The following FAM3C variants were observed in gnomAD, a reference collection of about 807,000 sequenced individuals.
The protein encoded by FAM3C is FAM3 metabolism regulating signaling molecule C, also known as protein FAM3C.
A neutral mutation model predicts 32.5 loss-of-function variants in FAM3C; 15 were observed. That is an observed-to-expected ratio of 0.46 (90% CI 0.31 to 0.71). The LOEUF (loss-of-function observed/expected upper bound fraction) is 0.71. Ranked by LOEUF, FAM3C falls within the 30% of genes least tolerant of loss-of-function variation. The probability of loss-of-function intolerance (pLI) is 0.05; values close to 1 mark genes in which losing one functional copy is unlikely to be tolerated. For synonymous variants in FAM3C, 75 were observed against 86.1 expected, an observed-to-expected ratio of 0.87 and a Z score of 0.72; for missense variants, 175 against 274.4, an observed-to-expected ratio of 0.64 and a Z score of 2.56.
rs1195992868 is a variant in FAM3C, at chr7:121,368,950, T to C, written c.272+2350A>G. Among the ~76,000 whole-genome samples the C allele has an allele frequency of 2.0e-5, 3 of 150,220 alleles. 1 individual carries two copies. The highest frequency in any genetic ancestry group is 7.4e-5 in the African/African-American group (3 of 40,578). Reference sequence around the variant, plus strand: ...CAGGGCTGGTATCACAATTTGTTTGTTCATTTTTTGTTGTTGTTGTTGTTT... The same window carrying C: ...CAGGGCTGGTATCACAATTTGTTTGCTCATTTTTTGTTGTTGTTGTTGTTT... On this transcript the variant is annotated intron_variant, in intron 5 of 9. Transcript: ENST00000359943.
chr7:121,365,057 A>T (rs1364967235), intron 5 of FAM3C, among the ~76,000 whole-genome samples: 1 of 152,156 alleles, frequency 6.6e-6, no homozygotes, highest in Non-Finnish European at 1.5e-5. Flanking sequence ...TATAGACAGA[A>T]TTATATATAC....
At chr7:121,351,571 C>T (rs1295099915) in intron 8 of FAM3C, 6 of 256,394 alleles carry the variant, frequency 2.3e-5, no homozygotes, top group Non-Finnish European at 4.5e-5. Context: ...ATAAGGGATA[C>T]CACAGTTAGT....
intron 8 of FAM3C, among the ~76,000 whole-genome samples, chr7:121,354,997 T>C (rs1388738582): frequency 6.6e-6 from 1 of 152,182 alleles, no homozygotes; most frequent in Non-Finnish European, 1.5e-5. Flanking sequence ...AAATTTTTAA[T>C]ACTACTAACC....
At position 121,366,469 on chromosome 7, in the gene FAM3C, C is replaced by T. The variant is rs546940758; in HGVS notation, c.273-2281G>A. Among the ~76,000 whole-genome samples the T allele has an allele frequency of 3.3e-5, 5 of 152,072 alleles. No individual in the cohort carries two copies. In the South Asian group the frequency reaches 1.0e-3, roughly 32 times the overall value. On this transcript the variant is annotated intron_variant, in intron 5 of 9. Coordinates refer to ENST00000359943, the MANE Select transcript of FAM3C (RefSeq NM_014888.3). ...ATTATATACCACTTATATGAACTGT[C>T]CAAAATAGGCAAATCTATAAAGACA...
At chr7:121,357,354 G>A (rs1793835092) in intron 8 of FAM3C, among the ~76,000 whole-genome samples, 1 of 152,216 alleles carries the variant, frequency 6.6e-6, no homozygotes, top group African/African-American at 2.4e-5. Flanking sequence ...GGAAGAAAAC[G>A]AGGTAAAATT....
chr7:121,360,818 C>T (rs1392504755), intron 7 of FAM3C, among the ~76,000 whole-genome samples: 2 of 151,918 alleles, frequency 1.3e-5, no homozygotes, highest in African/African-American at 4.8e-5. Flanking sequence ...CTGGTTGACA[C>T]AGCAAGACCC....
chr7:121,379,042 C>G, intron 2 of FAM3C, 28 bp from the exon 3 acceptor site: 1 of 1,219,292 alleles, frequency 8.2e-7, no homozygotes, highest in Non-Finnish European at 1.2e-6. Flanking sequence ...TTCAGCATAA[C>G]TTTGTAAGCC....
chr7:121,369,722 T>G (rs966596642), intron 5 of FAM3C, among the ~76,000 whole-genome samples: 1 of 152,096 alleles, frequency 6.6e-6, no homozygotes, highest in African/African-American at 2.4e-5. Context: ...TCTAAGACAG[T>G]GATGTGTACT....
intron 3 of FAM3C, among the ~76,000 whole-genome samples, chr7:121,377,134 A>G (rs1238600003): frequency 6.6e-6 from 1 of 152,064 alleles, no homozygotes; most frequent in East Asian, 1.9e-4. Context: ...AGTTCTCACA[A>G]GATCTGATGG....
chr7:121,388,855 GC>G (rs1794519133), intron 1 of FAM3C, among the ~76,000 whole-genome samples: 1 of 152,104 alleles, frequency 6.6e-6, no homozygotes, highest in African/African-American at 2.4e-5. Context: ...GTTAACCAAT[GC>G]CAGATATGAA....
At chr7:121,365,632 CAAAT>C (rs143945360) in intron 5 of FAM3C, among the ~76,000 whole-genome samples, 158 of 151,944 alleles carry the variant, frequency 1.0e-3, no homozygotes, top group African/African-American at 3.7e-3. Flanking sequence ...AAAATGAAAA[CAAAT>C]AATAAAATAG....
chr7:121,389,313 A>G (rs908615033), intron 1 of FAM3C, among the ~76,000 whole-genome samples: 1 of 152,212 alleles, frequency 6.6e-6, no homozygotes, highest in African/African-American at 2.4e-5. Context: ...TCTGGTATTT[A>G]GTGGATCAAC....
intron 2 of FAM3C, among the ~76,000 whole-genome samples, chr7:121,380,733 T>TTATATATATATATATATATA (rs66579763): frequency 0.027 from 3,612 of 132,970 alleles, 94 homozygotes; most frequent in Non-Finnish European, 0.036. Context: ...TACAAACATT[T>TTATATATATATATATATATA]TATATATATA....
At chr7:121,383,099 G>A (rs1447034410) in intron 1 of FAM3C, 89 bp from the exon 2 acceptor site, 6 of 608,488 alleles carry the variant, frequency 9.9e-6, no homozygotes, top group Non-Finnish European at 1.7e-5. Flanking sequence ...ATATAAACTA[G>A]TAAATTTTAT....
intron 1 of FAM3C, among the ~76,000 whole-genome samples, chr7:121,389,459 C>G (rs1341505627): frequency 6.6e-6 from 1 of 152,136 alleles, no homozygotes; most frequent in Non-Finnish European, 1.5e-5. Context: ...GTTTTCCAAG[C>G]TACTACTACT....
chr7:121,383,762 A>G (rs1794408713), intron 1 of FAM3C, among the ~76,000 whole-genome samples: 1 of 152,180 alleles, frequency 6.6e-6, no homozygotes, highest in Non-Finnish European at 1.5e-5. Context: ...AAAATAGGTG[A>G]CATTTTGAAA....
rs1489614536 is a variant in FAM3C at position 121,380,758 on chromosome 7, ACACT to A, written c.14-1748_14-1745del. Among the ~76,000 whole-genome samples, 361 of 109,874 alleles carry A rather than the reference ACACT, an allele frequency of 3.3e-3. 1 individual carries two copies. Among genetic ancestry groups the A allele is most frequent in the African/African-American group, 0.012 (337 of 28,658 alleles). The allele number at this position is 109,874 out of a possible 152,430, so 72.1% of individuals were successfully genotyped here. ...TTATATATATATATATATATATATG[ACACT>A]CACATATACCGTTTACTTAGTGTCT... On this transcript the variant is annotated intron_variant, in intron 2 of 9. Transcript: ENST00000359943.
At chr7:121,388,081 A>G (rs1794498387) in intron 1 of FAM3C, among the ~76,000 whole-genome samples, 1 of 152,134 alleles carries the variant, frequency 6.6e-6, no homozygotes, top group Non-Finnish European at 1.5e-5. Flanking sequence ...AGCTGCTATC[A>G]TTGTGTTAGA....
intron 8 of FAM3C, among the ~76,000 whole-genome samples, chr7:121,354,805 ATACGACTCTT>A (rs1003775590): frequency 6.6e-5 from 10 of 152,202 alleles, no homozygotes; most frequent in African/African-American, 2.2e-4. Context: ...TTATGAGGGA[ATACGACTCTT>A]TACAAACAAA....
Sources: gnomAD v4.1 joint callset for allele counts (sites outside exome capture counted in the v4.1 genomes callset) on GRCh38, gnomAD v4.1.1 for gene constraint, MANE v1.5 for transcripts, NCBI Gene and HGNC (gene_info 2026-07-23, HGNC 2026-07-21) for gene names.